The following LRMDA variants were observed in gnomAD, a reference collection of about 807,000 sequenced individuals.
LRMDA encodes the protein leucine-rich melanocyte differentiation-associated protein.
LRMDA carries 18 observed loss-of-function variants against 29.8 expected under a neutral mutation model. The observed-to-expected ratio is 0.60, with a 90% CI of 0.42 to 0.90. The LOEUF is 0.90. Among genes scored for constraint, LRMDA ranks in the 40% least tolerant of loss-of-function variants. The probability of loss-of-function intolerance (pLI) is 0.00; values close to 1 mark genes in which losing one functional copy is unlikely to be tolerated. For missense variants in LRMDA, 273 were observed against 273.9 expected, an observed-to-expected ratio of 1.00 and a Z score of 0.02; for synonymous variants, 125 against 109.4, an observed-to-expected ratio of 1.14 and a Z score of -0.89.
chr10:76,184,619 G>C (rs1173837079), intron 5 of LRMDA, among the ~76,000 whole-genome samples: 2 of 152,210 alleles, frequency 1.3e-5, no homozygotes, highest in Non-Finnish European at 1.5e-5. Context: ...TGTTGGCCTG[G>C]TGGGTCTGGG....
At chr10:75,676,024 T>G (rs1218201072) in intron 2 of LRMDA, among the ~76,000 whole-genome samples, 1 of 152,178 alleles carries the variant, frequency 6.6e-6, no homozygotes, top group Non-Finnish European at 1.5e-5. Context: ...TATAAGATCT[T>G]GTAGACAGGG....
intron 2 of LRMDA, among the ~76,000 whole-genome samples, chr10:75,801,409 G>A (rs1843741818): frequency 6.6e-6 from 1 of 152,216 alleles, no homozygotes; most frequent in African/African-American, 2.4e-5. Flanking sequence ...GCCTCAAGGG[G>A]AAAAGCCATT....
intron 2 of LRMDA, among the ~76,000 whole-genome samples, chr10:75,754,597 A>G (rs1482770426): frequency 3.9e-5 from 6 of 152,056 alleles, no homozygotes; most frequent in Non-Finnish European, 7.4e-5. Flanking sequence ...AGTTGCTGGT[A>G]TTAGTTCACT....
At chr10:76,151,832 G>C (rs564131203) in intron 5 of LRMDA, among the ~76,000 whole-genome samples, 27 of 152,196 alleles carry the variant, frequency 1.8e-4, no homozygotes, top group Admixed American at 1.8e-3. Flanking sequence ...ACAAGCAAAA[G>C]ATTTGTTTCT....
intron 5 of LRMDA, among the ~76,000 whole-genome samples, chr10:76,139,930 C>T (rs2132148436): frequency 6.6e-6 from 1 of 152,092 alleles, no homozygotes; most frequent in East Asian, 1.9e-4. Context: ...CAGTGCCTCT[C>T]TGGGGATGGA....
intron 2 of LRMDA, among the ~76,000 whole-genome samples, chr10:75,521,209 C>T (rs1030287749): frequency 1.8e-4 from 28 of 152,224 alleles, no homozygotes; most frequent in Admixed American, 3.9e-4. Context: ...AGAGCTCAAA[C>T]GCCATGCTGG....
At chr10:75,561,841 T>C (rs1171643658) in intron 2 of LRMDA, among the ~76,000 whole-genome samples, 5 of 152,142 alleles carry the variant, frequency 3.3e-5, no homozygotes, top group African/African-American at 9.7e-5. Flanking sequence ...TTGAGCAGTT[T>C]TGAGTGAGTT....
chr10:75,905,916 C>A (rs1169318094), intron 2 of LRMDA, among the ~76,000 whole-genome samples: 1 of 142,166 alleles, frequency 7.0e-6, no homozygotes, highest in East Asian at 2.1e-4. Flanking sequence ...GTCACTGAGT[C>A]CCCCTAGCCA....
chr10:75,721,618 G>A (rs1363839493), intron 2 of LRMDA, among the ~76,000 whole-genome samples: 3 of 152,160 alleles, frequency 2.0e-5, no homozygotes, highest in Non-Finnish European at 4.4e-5. Context: ...CAGCCCTGCC[G>A]AGGTGCTGGG....
chr10:76,051,050 C>T (rs1384188037), intron 4 of LRMDA, among the ~76,000 whole-genome samples: 2 of 152,212 alleles, frequency 1.3e-5, no homozygotes, highest in East Asian at 3.9e-4. Flanking sequence ...GACACCCTTT[C>T]TTTGTTCCCC....
chr10:76,548,445 T>C (rs1843447904), intron 6 of LRMDA, among the ~76,000 whole-genome samples: 1 of 89,980 alleles, frequency 1.1e-5, no homozygotes, highest in South Asian at 3.3e-4. Context: ...ATCTTTGGCT[T>C]GGACCAAAAA....
At chr10:75,608,110 G>GTATATATATATATATATA (rs10605160) in intron 2 of LRMDA, among the ~76,000 whole-genome samples, 3 of 101,400 alleles carry the variant, frequency 3.0e-5, no homozygotes, top group East Asian at 3.0e-4. Flanking sequence ...TGTAGTGTGT[G>GTATATATATATATATATA]TATATATATA....
rs191188691 is a variant in LRMDA at position 76,042,418 on chromosome 10, A to G, written c.259-4746A>G. Among the ~76,000 whole-genome samples the G allele has an allele frequency of 4.5e-3, 686 of 152,342 alleles. 10 individuals are homozygous for G. Among genetic ancestry groups the G allele is most frequent in the Non-Finnish European group, 4.3e-3 (295 of 68,034 alleles). ...GGAACCTGCAGACCCCTTGCCCAGG[A>G]AAGTCCCATGATCAGAGCATTCAAA... On this transcript the variant is annotated intron_variant, in intron 3 of 6. Transcript: ENST00000611255.
chr10:76,360,574 A>G (rs1330509290), intron 6 of LRMDA, among the ~76,000 whole-genome samples: 1 of 152,214 alleles, frequency 6.6e-6, no homozygotes, highest in Non-Finnish European at 1.5e-5. Flanking sequence ...GTGTAGTACT[A>G]TATAGCTTCC....
At chr10:76,183,110 A>G (rs1440980673) in intron 5 of LRMDA, among the ~76,000 whole-genome samples, 1 of 152,198 alleles carries the variant, frequency 6.6e-6, no homozygotes, top group Non-Finnish European at 1.5e-5. Flanking sequence ...GATGCTGTCC[A>G]TGGAAGTAGA....
In LRMDA at chr10:76,110,596, T is replaced by A. The variant is rs373680422; in HGVS notation, c.516+51813T>A. Reference sequence around the variant, plus strand: ...ATGGGAGGGACCCACGGGGAGGTAATTGAATGATGGGGCCCCGTCTTTCCC... The same window carrying A: ...ATGGGAGGGACCCACGGGGAGGTAAATGAATGATGGGGCCCCGTCTTTCCC... On this transcript the variant is annotated intron_variant, in intron 5 of 6. Transcript: ENST00000611255. Among the ~76,000 whole-genome samples the A allele has an allele frequency of 5.3e-5, 8 of 152,224 alleles. No homozygotes were observed. The East Asian group carries it at 7.8e-4, about 15-fold the overall frequency.
rs60231072 is a variant in LRMDA, at chr10:76,139,441, G to A, written c.516+80658G>A. Among the ~76,000 whole-genome samples the A allele has an allele frequency of 9.6e-3, 1,459 of 151,958 alleles. 29 individuals are homozygous for A. Among genetic ancestry groups the A allele is most frequent in the African/African-American group, 0.032 (1,334 of 41,436 alleles). ...CACCTTCCTCTACACACGCACAGAC[G>A]CACATGCTTACTTACTCTGGTTTCA... On this transcript the variant is annotated intron_variant, in intron 5 of 6. Coordinates refer to ENST00000611255, the MANE Select transcript of LRMDA (RefSeq NM_001305581.2).
At chr10:75,505,817 G>A (rs1183152573) in intron 2 of LRMDA, among the ~76,000 whole-genome samples, 1 of 152,192 alleles carries the variant, frequency 6.6e-6, no homozygotes, top group African/African-American at 2.4e-5. Flanking sequence ...TGTAATGACA[G>A]CAGTTCTCAT....
rs538709670 is a variant in LRMDA, at chr10:75,930,623, C to T, written c.132-105385C>T. Among the ~76,000 whole-genome samples, 3 of 152,106 alleles carry T rather than the reference C, an allele frequency of 2.0e-5. No individual in the cohort carries two copies. In the South Asian group the frequency reaches 6.2e-4, roughly 31 times the overall value. On this transcript the variant is annotated intron_variant, in intron 2 of 6. Transcript: ENST00000611255. ...GTAGTTTATTGACAAGTGGTCAAGA[C>T]CCTTTTCAGGGTATATTCTCAATAA...
Sources: gnomAD v4.1 joint callset for allele counts (sites outside exome capture counted in the v4.1 genomes callset) on GRCh38, gnomAD v4.1.1 for gene constraint, MANE v1.5 for transcripts, NCBI Gene and HGNC (gene_info 2026-07-23, HGNC 2026-07-21) for gene names.